FSD2: variants seen among roughly 807,000 people sequenced by gnomAD.
FSD2 encodes the protein fibronectin type III and SPRY domain-containing protein 2.
Under a neutral mutation model 80.4 loss-of-function variants are expected in FSD2, and 71 were observed. That is an observed-to-expected ratio of 0.88 (90% CI 0.73 to 1.08). The LOEUF (loss-of-function observed/expected upper bound fraction) is 1.08. Ranked by LOEUF, FSD2 falls within the 50% of genes least tolerant of loss-of-function variation. The pLI is 0.00. For synonymous variants in FSD2, 361 were observed against 329.5 expected (o/e 1.10, Z -1.03); for missense variants, 923 against 913.8 (o/e 1.01, Z -0.13).
rs1443504105 is a variant in FSD2, at chr15:82,786,950, C to G, written c.441G>C (p.Arg147=). The G allele has an allele frequency of 1.9e-6, 3 of 1,613,914 alleles. No individual in the cohort carries two copies. The African/African-American group carries it at 4.0e-5, about 22-fold the overall frequency. Residue 147 remains arginine (R), a synonymous_variant, in exon 2 of 13, where the codon CGG becomes CGC. Transcript: ENST00000334574. ...WGSAGQCQDL[R]EAYRYTHGRA... is the part of the protein sequence containing the mutation. ...GGCCGTGTGTGTACCTATAGGCTTCCCGCAAGTCCTGGCACTGGCCTGCTG... is the reference window on the plus strand; with the variant it reads ...GGCCGTGTGTGTACCTATAGGCTTCGCGCAAGTCCTGGCACTGGCCTGCTG...
At position 82,787,379 on chromosome 15, in the gene FSD2, T is replaced by C. The variant is rs1476492927; in HGVS notation, c.12A>G (p.Glu4=). MEE[E]SGEELGLDRS... is the part of the protein sequence containing the mutation. Reference sequence around the variant, plus strand: ...TGTCCAGCCCCAGTTCCTCCCCCGATTCCTCCTCCATTGTAACTCTGGAAG... The same window carrying C: ...TGTCCAGCCCCAGTTCCTCCCCCGACTCCTCCTCCATTGTAACTCTGGAAG... The change falls in exon 2 of 13, where the codon GAA becomes GAG. Residue 4 remains glutamate (E), a synonymous_variant. Transcript: ENST00000334574. The C allele has an allele frequency of 5.6e-6, 9 of 1,605,618 alleles. No homozygotes were observed. The highest frequency in any genetic ancestry group is 7.7e-6 in the Non-Finnish European group (9 of 1,175,052).
At chr15:82,781,893 A>C (rs2049865151) in intron 4 of FSD2, among the ~76,000 whole-genome samples, 2 of 150,612 alleles carry the variant, frequency 1.3e-5, no homozygotes, top group Admixed American at 1.3e-4. Flanking sequence ...CCCCGTCTCT[A>C]CTAAAAAAAA....
At chr15:82,769,308 G>A (rs952126644) in intron 8 of FSD2, among the ~76,000 whole-genome samples, 2 of 152,048 alleles carry the variant, frequency 1.3e-5, no homozygotes, top group Admixed American at 6.5e-5. Flanking sequence ...AGTGGCTCAC[G>A]CCTGTGATCC....
chr15:82,771,167 G>A (rs2049560790), intron 7 of FSD2, among the ~76,000 whole-genome samples: 1 of 152,174 alleles, frequency 6.6e-6, no homozygotes, highest in Admixed American at 6.5e-5. Context: ...CACCTGCATG[G>A]TCTGGTACAA....
chr15:82,786,459 G>A (rs865999154), intron 3 of FSD2, 52 bp downstream of exon 3: 1 of 1,321,572 alleles, frequency 7.6e-7, no homozygotes. Flanking sequence ...GCTTGACATA[G>A]CCATTGATGG....
chr15:82,774,005 G>A (rs1391737523), intron 6 of FSD2, among the ~76,000 whole-genome samples: 1 of 152,096 alleles, frequency 6.6e-6, no homozygotes, highest in Non-Finnish European at 1.5e-5. Flanking sequence ...GGTGAGAAGG[G>A]GAAAGCAAGC....
rs57346494 is a variant in FSD2, at chr15:82,805,140, A to ATTTT, written c.-79+822_-79+825dup. Among the ~76,000 whole-genome samples, 399 of 131,578 alleles carry ATTTT rather than the reference A, an allele frequency of 3.0e-3. 8 individuals carry two copies. Among genetic ancestry groups the ATTTT allele is most frequent in the African/African-American group, 4.1e-3 (145 of 35,008 alleles). 86.3% of individuals were successfully genotyped at this position (131,578 alleles called of 152,430 possible). On this transcript the variant is annotated intron_variant, in intron 1 of 12. Transcript: ENST00000334574. ...CATTACTTAGAAAAGTCCCCCAATA[A>ATTTT]TTTTTTTTTTTTTTTTTTTTTAGAG... is the stretch of plus-strand genomic sequence containing the variant.
chr15:82,765,095 G>T, intron 11 of FSD2, 71 bp downstream of exon 11: 2 of 1,479,732 alleles, frequency 1.4e-6, no homozygotes, highest in South Asian at 1.4e-5. Flanking sequence ...TGCCATATTC[G>T]GATTTGACCT....
At chr15:82,784,480 T>A (rs1332390795) in intron 3 of FSD2, among the ~76,000 whole-genome samples, 2 of 152,052 alleles carry the variant, frequency 1.3e-5, no homozygotes, top group African/African-American at 4.8e-5. Flanking sequence ...ACTCCTGACC[T>A]CAAGTGATCT....
In FSD2 at chr15:82,768,956, C is replaced by G; in HGVS notation, c.1477G>C (p.Gly493Arg). Reference protein sequence around the residue: ...EEAVLICWESGNLNPVDSYTV... With the variant: ...EEAVLICWESRNLNPVDSYTV... Reference sequence around the variant, plus strand: ...TACGAGTCCACAGGATTCAGGTTCCCAGACTCCCAGCAAATCAGCACAGCC... The same window carrying G: ...TACGAGTCCACAGGATTCAGGTTCCGAGACTCCCAGCAAATCAGCACAGCC... The change falls in exon 9 of 13, where the codon GGG (glycine) becomes CGG (arginine). Residue 493 changes from glycine (G) to arginine (R), a missense_variant. Transcript: ENST00000334574. 6.2e-7 allele frequency: 1 copy of G among 1,608,028 alleles called. No homozygotes were observed. Among genetic ancestry groups the G allele is most frequent in the South Asian group, 1.1e-5 (1 of 89,544 alleles).
chr15:82,769,889 G>A lies in FSD2; in HGVS notation c.1268-5C>T, dbSNP rs370583111. ...CTTTGACAGTCACTGTAAACTCTGGGGAAAAAAAAAGATAAGAATTCAACC... is the reference window on the plus strand; with the variant it reads ...CTTTGACAGTCACTGTAAACTCTGGAGAAAAAAAAAGATAAGAATTCAACC... On this transcript the variant is annotated splice_polypyrimidine_tract_variant and splice_region_variant and intron_variant, in intron 7 of 12. Coordinates refer to ENST00000334574, the MANE Select transcript of FSD2 (RefSeq NM_001007122.4). 17 of 1,609,684 alleles carry A rather than the reference G, an allele frequency of 1.1e-5. No individual in the cohort carries two copies. The African/African-American group carries it at 2.1e-4, about 20-fold the overall frequency.
intron 8 of FSD2, 121 bp from the exon 9 acceptor site, chr15:82,769,151 TAAAAAGCAA>T (rs2049497443): frequency 6.6e-6 from 6 of 909,732 alleles, no homozygotes; most frequent in Non-Finnish European, 6.0e-6. Context: ...TTCAGTGCAA[TAAAAAGCAA>T]ACCAGGGAAT....
chr15:82,785,695 T>G (rs994742895), intron 3 of FSD2, among the ~76,000 whole-genome samples: 2 of 152,220 alleles, frequency 1.3e-5, no homozygotes, highest in Non-Finnish European at 2.9e-5. Context: ...TTGGCAGAAG[T>G]GGGTATTTTG....
At chr15:82,784,798 A>C (rs776871398) in intron 3 of FSD2, among the ~76,000 whole-genome samples, 1 of 152,194 alleles carries the variant, frequency 6.6e-6, no homozygotes, top group African/African-American at 2.4e-5. Flanking sequence ...GAGCATCCGC[A>C]TGAAGAGAAG....
At chr15:82,781,921 G>C (rs1226482955) in intron 4 of FSD2, among the ~76,000 whole-genome samples, 3 of 151,428 alleles carry the variant, frequency 2.0e-5, no homozygotes, top group Admixed American at 6.6e-5. Context: ...AAAATTAGCT[G>C]GGCGTGGTGG....
rs763067455 is a variant in FSD2 at position 82,780,248 on chromosome 15, T to C, written c.986A>G (p.Asp329Gly). 140 of 1,508,216 alleles carry C rather than the reference T, an allele frequency of 9.3e-5. No homozygotes were observed. The highest frequency in any genetic ancestry group is 1.7e-4 in the Middle Eastern group (1 of 5,890). 93.4% of individuals were successfully genotyped at this position (1,508,216 alleles called of 1,614,324 possible). A position where few individuals can be genotyped will look rare whatever the true frequency, so the allele number is the denominator to read the frequency against. Residue 329 changes from aspartate to glycine, a missense_variant, in exon 5 of 13, where the codon GAC becomes GGC. Coordinates refer to ENST00000334574, the MANE Select transcript of FSD2 (RefSeq NM_001007122.4). ...DFIKDAVAMA[D>G]RLGKFLKTKT... The stretch of plus-strand genomic sequence containing the variant: ...CATACTAGAACAAATGTATTACCTG[T>C]CAGCCATAGCCACTGCATCCTAAAA...
chr15:82,778,719 C>G, intron 6 of FSD2, 47 bp downstream of exon 6: 1 of 1,541,110 alleles, frequency 6.5e-7, no homozygotes, highest in Non-Finnish European at 8.7e-7. Context: ...AAGAAAAAAG[C>G]TCTGGGTAGT....
At chr15:82,798,873 GTTTTGTT>G (rs2050342887) in intron 1 of FSD2, among the ~76,000 whole-genome samples, 5 of 111,472 alleles carry the variant, frequency 4.5e-5, no homozygotes, top group Admixed American at 4.3e-4. Context: ...TATCTCCACT[GTTTTGTT>G]TTTTTTTTTT....
chr15:82,770,771 C>G (rs956021892), intron 7 of FSD2, among the ~76,000 whole-genome samples: 18 of 152,286 alleles, frequency 1.2e-4, no homozygotes, highest in Middle Eastern at 6.8e-3. Context: ...AAAACTAACA[C>G]AACTCCAGAC....
Sources: gnomAD v4.1 joint callset for allele counts (sites outside exome capture counted in the v4.1 genomes callset) on GRCh38, gnomAD v4.1.1 for gene constraint, MANE v1.5 for transcripts, NCBI Gene and HGNC (gene_info 2026-07-23, HGNC 2026-07-21) for gene names.